The following ARHGEF3 variants were observed in gnomAD, a reference collection of about 807,000 sequenced individuals.
ARHGEF3 encodes Rho guanine nucleotide exchange factor 3.
In ARHGEF3, 28 loss-of-function variants were observed where a neutral mutation model predicts 63.2. That is an observed-to-expected ratio of 0.44 (90% CI 0.33 to 0.61). The LOEUF (loss-of-function observed/expected upper bound fraction) is 0.61, where lower values mean the gene tolerates loss of function less well. Among genes scored for constraint, ARHGEF3 ranks in the 20% least tolerant of loss-of-function variants. The pLI, the probability that ARHGEF3 is intolerant of heterozygous loss-of-function variation, is 0.03. For missense variants in ARHGEF3, 533 were observed against 659.3 expected, an observed-to-expected ratio of 0.81 and a Z score of 2.10; for synonymous variants, 266 against 254.2, an observed-to-expected ratio of 1.05 and a Z score of -0.44.
intron 4 of ARHGEF3, among the ~76,000 whole-genome samples, chr3:56,845,217 C>T (rs1186827947): frequency 6.6e-6 from 1 of 152,228 alleles, no homozygotes; most frequent in Non-Finnish European, 1.5e-5. Flanking sequence ...CTGGCCAACG[C>T]CTTGATTGCA....
intron 2 of ARHGEF3, among the ~76,000 whole-genome samples, chr3:56,997,248 G>A (rs1055895200): frequency 6.6e-6 from 1 of 152,102 alleles, no homozygotes; most frequent in Non-Finnish European, 1.5e-5. Flanking sequence ...ACCTCCCTCA[G>A]GATGGACCAC....
chr3:56,803,778 G>C (rs898252452), upstream of ARHGEF3, among the ~76,000 whole-genome samples: 3 of 152,186 alleles, frequency 2.0e-5, no homozygotes, highest in Non-Finnish European at 4.4e-5. Context: ...CTCTAGCCTG[G>C]TGACAGAGTG....
chr3:57,071,387 C>T (rs562890428), intron 1 of ARHGEF3, among the ~76,000 whole-genome samples: 9 of 152,104 alleles, frequency 5.9e-5, no homozygotes, highest in South Asian at 2.1e-4. Flanking sequence ...TATGGCTGGG[C>T]GTGGTGGCTC....
At chr3:56,731,991 CTTAGA>C in intron 9 of ARHGEF3, 1 of 601,508 alleles carries the variant, frequency 1.7e-6, no homozygotes, top group Non-Finnish European at 2.9e-6. Flanking sequence ...GACAGTTTCA[CTTAGA>C]TTATCTTACT....
rs879488598 is a variant in ARHGEF3 at position 56,747,072 on chromosome 3, G to C, written c.613-1610C>G. 1.2e-3 allele frequency among the ~76,000 whole-genome samples: 138 copies of C among 117,904 alleles called. 1 individual carries two copies. Among genetic ancestry groups the C allele is most frequent in the Non-Finnish European group, 2.2e-3 (120 of 53,690 alleles). The allele number at this position is 117,904 out of a possible 152,430, so 77.3% of individuals were successfully genotyped here. A position where few individuals can be genotyped will look rare whatever the true frequency, so the allele number is the denominator to read the frequency against. ...ATGCGCGCACACACACACAGAGAGA[G>C]AGAGAGAGAGAGAGAGAGAGAGAGA... On this transcript the variant is annotated intron_variant, in intron 6 of 9. Transcript: ENST00000296315.
At chr3:57,011,833 G>T (rs1219922439) in intron 2 of ARHGEF3, among the ~76,000 whole-genome samples, 1 of 152,152 alleles carries the variant, frequency 6.6e-6, no homozygotes, top group Non-Finnish European at 1.5e-5. Flanking sequence ...ATCACTGCAG[G>T]CCTCACTCCA....
intron 6 of ARHGEF3, among the ~76,000 whole-genome samples, chr3:56,747,565 C>T (rs1364866979): frequency 1.3e-5 from 2 of 152,134 alleles, no homozygotes; most frequent in Admixed American, 6.5e-5. Context: ...AGGCCGGGTG[C>T]GGTGGTTCAC....
intron 4 of ARHGEF3, among the ~76,000 whole-genome samples, chr3:56,847,921 T>C (rs2039543416): frequency 6.6e-6 from 1 of 152,040 alleles, no homozygotes; most frequent in Non-Finnish European, 1.5e-5. Context: ...GCTTACTCAG[T>C]GTAGAGTGCA....
chr3:56,900,002 C>T (rs1212288410), intron 3 of ARHGEF3, among the ~76,000 whole-genome samples: 2 of 152,210 alleles, frequency 1.3e-5, no homozygotes, highest in African/African-American at 4.8e-5. Flanking sequence ...GGCACGTTAT[C>T]TTTACCTAAC....
chr3:56,897,893 T>C (rs2041360188), intron 3 of ARHGEF3, among the ~76,000 whole-genome samples: 1 of 152,050 alleles, frequency 6.6e-6, no homozygotes, highest in African/African-American at 2.4e-5. Context: ...GTATTTTTTA[T>C]TTTTGAGACA....
intron 4 of ARHGEF3, among the ~76,000 whole-genome samples, chr3:56,814,543 G>A (rs561854736): frequency 9.2e-5 from 14 of 152,220 alleles, no homozygotes; most frequent in Admixed American, 3.9e-4. Context: ...GAGTTTCAAG[G>A]TTTTAATGAG....
At chr3:57,036,387 G>A (rs1390490329) in intron 1 of ARHGEF3, among the ~76,000 whole-genome samples, 3 of 152,062 alleles carry the variant, frequency 2.0e-5, no homozygotes, top group Non-Finnish European at 4.4e-5. Context: ...GAGCAACAGA[G>A]GCAAAGAGAA....
At chr3:56,821,318 G>C (rs1284337946) in intron 4 of ARHGEF3, among the ~76,000 whole-genome samples, 1 of 152,176 alleles carries the variant, frequency 6.6e-6, no homozygotes, top group Admixed American at 6.5e-5. Flanking sequence ...GTTGAAGCTG[G>C]ATGATGGTGA....
chr3:56,878,767 T>C (rs1451424805), intron 4 of ARHGEF3, among the ~76,000 whole-genome samples: 1 of 152,228 alleles, frequency 6.6e-6, no homozygotes, highest in South Asian at 2.1e-4. Context: ...TCAGTCATCC[T>C]GAAGGGTGTC....
chr3:57,017,007 C>CTG (rs1703038010), intron 2 of ARHGEF3, among the ~76,000 whole-genome samples: 2 of 114,824 alleles, frequency 1.7e-5, no homozygotes, highest in South Asian at 3.1e-4. Context: ...TTCTCTCTGT[C>CTG]TCTCTCTCTC....
rs2032948302 is a variant in ARHGEF3, at chr3:56,729,384, C to T, written c.1467G>A (p.Ser489=). The change falls in exon 10 of 10, where the codon TCG becomes TCA. Residue 489 remains serine (S), a synonymous_variant. Coordinates refer to ENST00000296315, the MANE Select transcript of ARHGEF3 (RefSeq NM_019555.3). ...CCATACTACAGTCTGACTCACTGTC[C>T]GATTGGTCCATCTGCTCAAGTTTTG... ...GETKLEQMDQ[S]DSESDCSMDT... 2.5e-6 allele frequency: 4 copies of T among 1,614,074 alleles called. No homozygotes were observed. Among genetic ancestry groups the T allele is most frequent in the East Asian group, 2.2e-5 (1 of 44,884 alleles).
intron 2 of ARHGEF3, among the ~76,000 whole-genome samples, chr3:56,770,356 G>A (rs1353751755): frequency 6.6e-6 from 1 of 152,022 alleles, no homozygotes; most frequent in African/African-American, 2.4e-5. Context: ...GTGGAGGTGA[G>A]CCACGATCAC....
At chr3:56,977,220 G>T (rs1471300055) in intron 2 of ARHGEF3, 2 of 456,308 alleles carry the variant, frequency 4.4e-6, no homozygotes, top group African/African-American at 4.0e-5. Flanking sequence ...TAATCCACAA[G>T]AGCCACAAAC....
chr3:57,057,884 T>C (rs918523219), intron 1 of ARHGEF3, among the ~76,000 whole-genome samples: 3 of 152,218 alleles, frequency 2.0e-5, no homozygotes, highest in African/African-American at 7.2e-5. Context: ...CTGATTTTAC[T>C]GTCCATACTA....
Sources: gnomAD v4.1 joint callset for allele counts (sites outside exome capture counted in the v4.1 genomes callset) on GRCh38, gnomAD v4.1.1 for gene constraint, MANE v1.5 for transcripts, NCBI Gene and HGNC (gene_info 2026-07-23, HGNC 2026-07-21) for gene names.